Variants in VRK2 observed in about 807,000 individuals in gnomAD.
VRK2 encodes VRK serine/threonine kinase 2.
In VRK2, 60 loss-of-function variants were observed where a neutral mutation model predicts 57.6. The ratio of observed to expected loss-of-function variants is 1.04; its 90% CI spans 0.85 to 1.29. VRK2 has a LOEUF of 1.29. Among genes scored for constraint, VRK2 ranks in the 50% most tolerant of loss-of-function variants. VRK2 has a pLI of 0.00. For missense variants in VRK2, 705 were observed against 588.1 expected (o/e 1.20, Z -2.06); for synonymous variants, 231 against 199.2 (o/e 1.16, Z -1.35).
Position 58,132,028 on chromosome 2 carries a change from G to A in VRK2, c.797+100G>A, listed in dbSNP as rs779457650. On this transcript the variant is annotated intron_variant, in intron 9 of 12. Coordinates refer to ENST00000340157, the MANE Select transcript of VRK2 (RefSeq NM_006296.7). Reference sequence around the variant, plus strand: ...GAGAAGATTGGCATTCACCCAACATGACAACCAAAGCAAATTTCTTTAGTT... The same window carrying A: ...GAGAAGATTGGCATTCACCCAACATAACAACCAAAGCAAATTTCTTTAGTT... The A allele has an allele frequency of 6.4e-6, 9 of 1,415,328 alleles. 1 individual carries two copies. The Admixed American group carries it at 2.2e-4, about 35-fold the overall frequency. 87.7% of individuals were successfully genotyped at this position (1,415,328 alleles called of 1,614,324 possible).
At chr2:57,951,713 G>C (rs529672501) in intron 1 of VRK2, among the ~76,000 whole-genome samples, 2 of 152,230 alleles carry the variant, frequency 1.3e-5, no homozygotes, top group East Asian at 3.9e-4. Flanking sequence ...ATTATGACTT[G>C]CTGAAGGCTC....
intron 7 of VRK2, among the ~76,000 whole-genome samples, chr2:58,117,250 T>C (rs1406690393): frequency 2.0e-5 from 3 of 152,096 alleles, no homozygotes; most frequent in African/African-American, 7.2e-5. Flanking sequence ...CGCTTCTGAT[T>C]TGGGATAAAG....
At chr2:58,150,562 G>GTTTT (rs35146685) in intron 12 of VRK2, among the ~76,000 whole-genome samples, 2 of 95,578 alleles carry the variant, frequency 2.1e-5, no homozygotes, top group Admixed American at 1.0e-4. Context: ...TTTTTTTTTA[G>GTTTT]TTTTTTTTTT....
At chr2:57,908,496 C>T (rs1478835686) in intron 1 of VRK2, among the ~76,000 whole-genome samples, 1 of 151,762 alleles carries the variant, frequency 6.6e-6, no homozygotes, top group Non-Finnish European at 1.5e-5. Context: ...TGTATGCATG[C>T]ATATATAGAT....
At position 58,132,624 on chromosome 2, in the gene VRK2, A is replaced by G. The variant is rs142799663; in HGVS notation, c.797+696A>G. On this transcript the variant is annotated intron_variant, in intron 9 of 12. Coordinates refer to ENST00000340157, the MANE Select transcript of VRK2 (RefSeq NM_006296.7). ...CCAGTTTTTCATTATATACCAAGAT[A>G]TGCTCAACAGTAGTTATCCACAGGT... Among the ~76,000 whole-genome samples the G allele has an allele frequency of 3.0e-4, 45 of 152,334 alleles. 1 individual carries two copies. In the East Asian group the frequency reaches 8.7e-3, roughly 29 times the overall value.
chr2:58,008,018 T>G (rs1038734013), intron 1 of VRK2, among the ~76,000 whole-genome samples: 2 of 152,096 alleles, frequency 1.3e-5, no homozygotes, highest in Admixed American at 6.6e-5. Context: ...AAGAATGTAG[T>G]GTTTTGAACA....
intron 1 of VRK2, among the ~76,000 whole-genome samples, chr2:57,996,883 C>T (rs1672940675): frequency 6.7e-6 from 1 of 149,738 alleles, no homozygotes; most frequent in Non-Finnish European, 1.5e-5. Flanking sequence ...GTTGTTGCAC[C>T]ATATTGTTTT....
At chr2:58,114,872 G>T (rs1437197107) in intron 7 of VRK2, among the ~76,000 whole-genome samples, 1 of 152,172 alleles carries the variant, frequency 6.6e-6, no homozygotes, top group East Asian at 1.9e-4. Flanking sequence ...TTCAGTGAAA[G>T]CGTCTATTTA....
chr2:58,009,214 AAAC>A (rs1673345550), intron 1 of VRK2, among the ~76,000 whole-genome samples: 2 of 152,272 alleles, frequency 1.3e-5, no homozygotes, highest in South Asian at 4.1e-4. Context: ...TGTACTGAAA[AAAC>A]AAATTCCATG....
intron 1 of VRK2, among the ~76,000 whole-genome samples, chr2:57,914,092 C>T (rs570644190): frequency 9.9e-4 from 151 of 152,062 alleles, no homozygotes; most frequent in African/African-American, 3.3e-3. Context: ...TTTGAAACTT[C>T]AAGAATATCT....
At chr2:58,013,051 T>C (rs1455599679) in intron 1 of VRK2, among the ~76,000 whole-genome samples, 1 of 152,206 alleles carries the variant, frequency 6.6e-6, no homozygotes, top group Non-Finnish European at 1.5e-5. Flanking sequence ...GTTTAAATTT[T>C]AGATATATTC....
intron 1 of VRK2, among the ~76,000 whole-genome samples, chr2:57,978,849 A>G (rs1027166429): frequency 6.7e-6 from 1 of 149,966 alleles, no homozygotes; most frequent in African/African-American, 2.5e-5. Flanking sequence ...TCCCCTCTCC[A>G]TGTCCATGTG....
intron 1 of VRK2, among the ~76,000 whole-genome samples, chr2:57,930,061 C>T (rs1302255806): frequency 6.6e-6 from 1 of 152,094 alleles, no homozygotes; most frequent in Non-Finnish European, 1.5e-5. Context: ...GCCTTGGCTA[C>T]CCCATCTGGT....
At chr2:58,079,713 A>T (rs1186200823) in intron 2 of VRK2, among the ~76,000 whole-genome samples, 2 of 151,884 alleles carry the variant, frequency 1.3e-5, no homozygotes, top group African/African-American at 4.8e-5. Flanking sequence ...TATAAATTTT[A>T]TTGCTTAATT....
intron 11 of VRK2, among the ~76,000 whole-genome samples, chr2:58,144,891 C>G (rs1174397358): frequency 2.0e-5 from 3 of 151,890 alleles, no homozygotes; most frequent in African/African-American, 7.3e-5. Context: ...CCACAAAACA[C>G]CAGCATATTT....
intron 1 of VRK2, among the ~76,000 whole-genome samples, chr2:57,975,839 G>C (rs762433738): frequency 7.2e-5 from 11 of 151,804 alleles, no homozygotes; most frequent in African/African-American, 1.5e-4. Flanking sequence ...TGTCACTGGG[G>C]TTTGATATGC....
chr2:57,916,129 G>A (rs575274262), intron 1 of VRK2, among the ~76,000 whole-genome samples: 5 of 152,106 alleles, frequency 3.3e-5, no homozygotes, highest in Admixed American at 1.3e-4. Flanking sequence ...CACCAAGGGC[G>A]GGCGCGGTGG....
At chr2:58,101,358 T>C (rs950899376) in intron 7 of VRK2, among the ~76,000 whole-genome samples, 4 of 151,748 alleles carry the variant, frequency 2.6e-5, no homozygotes, top group African/African-American at 9.7e-5. Context: ...AAGTAAATTA[T>C]AGATATCATT....
chr2:58,026,779 C>T (rs962083687), intron 2 of VRK2: 8 of 152,164 alleles, frequency 5.3e-5, no homozygotes, highest in Non-Finnish European at 8.8e-5. Flanking sequence ...AGTCCAGTGA[C>T]ATGGTCACAG....
Sources: allele counts gnomAD v4.1 joint callset (sites outside exome capture counted in the v4.1 genomes callset), GRCh38; gene constraint gnomAD v4.1.1; transcripts MANE v1.5; gene names NCBI Gene and HGNC (gene_info 2026-07-23, HGNC 2026-07-21).